Variants in RAP1GAP2 observed in about 807,000 individuals in gnomAD.
RAP1GAP2 encodes the protein rap1 GTPase-activating protein 2.
Under a neutral mutation model 95.0 loss-of-function variants are expected in RAP1GAP2, and 27 were observed. That is an observed-to-expected ratio of 0.28 (90% confidence interval 0.21 to 0.39). The LOEUF (loss-of-function observed/expected upper bound fraction) is 0.39, where lower values mean the gene tolerates loss of function less well. RAP1GAP2 is among the 10% of genes least tolerant of loss of function. The pLI, the probability that RAP1GAP2 is intolerant of heterozygous loss-of-function variation, is 1.00. For synonymous variants in RAP1GAP2, 373 were observed against 380.9 expected, an observed-to-expected ratio of 0.98 and a Z score of 0.24; for missense variants, 771 against 970.0, an observed-to-expected ratio of 0.79 and a Z score of 2.72.
chr17:2,991,517 CT>C, intron 12 of RAP1GAP2, 120 bp downstream of exon 12: 1 of 735,764 alleles, frequency 1.4e-6, no homozygotes, highest in Non-Finnish European at 2.3e-6. Flanking sequence ...TGAGGGATGG[CT>C]TTTCAGGGTC....
At position 2,839,923 on chromosome 17, in the gene RAP1GAP2, G is replaced by A. The variant is rs191205676; in HGVS notation, c.80+39373G>A. 4.4e-3 allele frequency among the ~76,000 whole-genome samples: 661 copies of A among 148,776 alleles called. 3 individuals are homozygous for A. Among genetic ancestry groups the A allele is most frequent in the African/African-American group, 0.015 (623 of 40,492 alleles). ...AAGTGATTCTCCTGCCTCAGCCTCC[G>A]GAGTAGCTGGGATTACAGGCATGCG... On this transcript the variant is annotated intron_variant, in intron 2 of 24. Coordinates refer to ENST00000254695, the MANE Select transcript of RAP1GAP2 (RefSeq NM_015085.5).
At chr17:2,917,702 GC>G (rs944076617) in intron 3 of RAP1GAP2, among the ~76,000 whole-genome samples, 3 of 151,510 alleles carry the variant, frequency 2.0e-5, no homozygotes, top group Admixed American at 6.6e-5. Context: ...ACTGTGCCTG[GC>G]CCCCCCGTTT....
intron 17 of RAP1GAP2, among the ~76,000 whole-genome samples, chr17:3,016,783 C>G (rs1192136765): frequency 6.6e-6 from 1 of 152,180 alleles, no homozygotes; most frequent in East Asian, 1.9e-4. Flanking sequence ...GGTGTAGACA[C>G]CAACATCTCT....
intron 19 of RAP1GAP2, among the ~76,000 whole-genome samples, chr17:3,024,272 A>G (rs2047038037): frequency 6.6e-6 from 1 of 152,176 alleles, no homozygotes; most frequent in Admixed American, 6.5e-5. Context: ...CACACAGAGA[A>G]GTCCAGCAAA....
rs4564611 is a variant in RAP1GAP2 at position 3,027,981 on chromosome 17, C to T, written c.2107+911C>T. ...TGAGGGCCGTTCAGGTAGACCTGTG[C>T]GGTGGGCACTGCTGGGCGGGTGCTC... On this transcript the variant is annotated intron_variant, in intron 22 of 24. Transcript: ENST00000254695. This position sits in a 1 kb window ranked among gnomAD's most constrained non-coding sequence, Gnocchi z 5.2. Among the ~76,000 whole-genome samples, 28,821 of 151,900 alleles carry T rather than the reference C, an allele frequency of 0.19. 2,892 individuals carry two copies. The highest frequency in any genetic ancestry group is 0.24 in the Middle Eastern group (71 of 294).
chr17:3,013,949 A>G (rs370052276), intron 17 of RAP1GAP2, among the ~76,000 whole-genome samples: 24 of 149,368 alleles, frequency 1.6e-4, no homozygotes, highest in South Asian at 4.3e-4. Flanking sequence ...AGGAGTTACT[A>G]TTTCCCACAT....
In RAP1GAP2 at chr17:2,963,484, C is replaced by T; in HGVS notation, c.279+22C>T. ...CGAGGTAGGTGCCCTCCCCTCACTC[C>T]CACCTGCCCTGCAGCCTGCTCTGGG... On this transcript the variant is annotated intron_variant, in intron 6 of 24. Transcript: ENST00000254695. The surrounding 1 kb of genome is among the most constrained non-coding windows in gnomAD (Gnocchi z 4.8). 1 of 1,613,610 alleles carries T rather than the reference C, an allele frequency of 6.2e-7. No individual in the cohort carries two copies. Among genetic ancestry groups the T allele is most frequent in the Non-Finnish European group, 8.5e-7 (1 of 1,179,598 alleles).
intron 2 of RAP1GAP2, among the ~76,000 whole-genome samples, chr17:2,876,300 C>T (rs1198372018): frequency 6.6e-6 from 1 of 152,060 alleles, no homozygotes. Flanking sequence ...TTATTCTGAG[C>T]CAAATAAGAG....
chr17:2,852,356 C>T (rs1292234046), intron 2 of RAP1GAP2, among the ~76,000 whole-genome samples: 2 of 151,890 alleles, frequency 1.3e-5, no homozygotes, highest in Non-Finnish European at 2.9e-5. Context: ...GGGTGGGGGG[C>T]ACAAGGCCAG....
intron 2 of RAP1GAP2, among the ~76,000 whole-genome samples, chr17:2,830,586 C>T (rs1021570546): frequency 4.0e-5 from 6 of 151,392 alleles, no homozygotes; most frequent in South Asian, 2.1e-4. Flanking sequence ...TGGTGGCGGG[C>T]GCCTGTAGTC....
At position 2,903,096 on chromosome 17, in the gene RAP1GAP2, C is replaced by T. The variant is rs552182801; in HGVS notation, c.81-2188C>T. On this transcript the variant is annotated intron_variant, in intron 2 of 24. Transcript: ENST00000254695. This position sits in a 1 kb window ranked among gnomAD's most constrained non-coding sequence, Gnocchi z 4.1. ...AGAGGCCCTCTGCTAAGCCCAGAGTCGCCCTATAGCATCTGGTGGGGGCTT... is the reference window on the plus strand; with the variant it reads ...AGAGGCCCTCTGCTAAGCCCAGAGTTGCCCTATAGCATCTGGTGGGGGCTT... Among the ~76,000 whole-genome samples the T allele has an allele frequency of 4.6e-5, 7 of 152,286 alleles. No homozygotes were observed. Among genetic ancestry groups the T allele is most frequent in the South Asian group, 4.1e-4 (2 of 4,830 alleles).
In RAP1GAP2 at chr17:2,963,315, G is replaced by A. The variant is rs1408954947; in HGVS notation, c.247-115G>A. On this transcript the variant is annotated intron_variant, in intron 5 of 24. Coordinates refer to ENST00000254695, the MANE Select transcript of RAP1GAP2 (RefSeq NM_015085.5). The surrounding 1 kb of genome is among the most constrained non-coding windows in gnomAD (Gnocchi z 4.8). ...ATTCTGAGCTGTTCTTCCATCGAAT[G>A]TTCCTCCCTCAAAGCCCCCCCACAA... 6 of 1,178,922 alleles carry A rather than the reference G, an allele frequency of 5.1e-6. No individual in the cohort carries two copies. Among genetic ancestry groups the A allele is most frequent in the African/African-American group, 3.0e-5 (2 of 66,362 alleles). The allele number at this position is 1,178,922 out of a possible 1,614,324, so 73.0% of individuals were successfully genotyped here.
At chr17:2,878,199 A>G (rs117175439) in intron 2 of RAP1GAP2, among the ~76,000 whole-genome samples, 6,602 of 152,234 alleles carry the variant, frequency 0.043, 194 homozygotes, top group Non-Finnish European at 0.069. Flanking sequence ...GGTGTCAGGC[A>G]TAAGGGAAGG....
rs571570908 is a variant in RAP1GAP2 at position 2,943,112 on chromosome 17, G to A, written c.166-14647G>A. ...TCATCCCCAAATAAAACCCCTTTAA[G>A]CAGTTACTCCCCACTTTCTCCTCCC... On this transcript the variant is annotated intron_variant, in intron 3 of 24. Transcript: ENST00000254695. Among the ~76,000 whole-genome samples, 188 of 151,600 alleles carry A rather than the reference G, an allele frequency of 1.2e-3. 1 individual carries two copies. The highest frequency in any genetic ancestry group is 4.4e-3 in the African/African-American group (182 of 41,280).
At chr17:2,997,382 C>T (rs2045996111) in intron 13 of RAP1GAP2, among the ~76,000 whole-genome samples, 1 of 152,216 alleles carries the variant, frequency 6.6e-6, no homozygotes, top group Admixed American at 6.5e-5. Flanking sequence ...TCAGGGATTT[C>T]ATGCACAGCA....
chr17:2,917,186 A>G (rs1256174546), intron 3 of RAP1GAP2, among the ~76,000 whole-genome samples: 2 of 152,154 alleles, frequency 1.3e-5, no homozygotes, highest in African/African-American at 2.4e-5. Context: ...CTTCTTAAGA[A>G]GTTGAAGCAA....
intron 2 of RAP1GAP2, among the ~76,000 whole-genome samples, chr17:2,901,705 C>A (rs1199324788): frequency 1.3e-5 from 2 of 152,042 alleles, no homozygotes; most frequent in East Asian, 3.9e-4. Context: ...AGGGATAAAA[C>A]TGCATCAAGC....
At chr17:2,814,259 G>C (rs1000692775) in intron 2 of RAP1GAP2, among the ~76,000 whole-genome samples, 5 of 152,168 alleles carry the variant, frequency 3.3e-5, no homozygotes, top group Non-Finnish European at 7.3e-5. Flanking sequence ...GCCTCTGTCA[G>C]TTCTGGTTTT....
At chr17:2,918,567 G>A (rs1296499304) in intron 3 of RAP1GAP2, among the ~76,000 whole-genome samples, 1 of 152,080 alleles carries the variant, frequency 6.6e-6, no homozygotes, top group African/African-American at 2.4e-5. Context: ...AAGGTGAAGG[G>A]AGAGGAGGCA....
Sources: allele counts gnomAD v4.1 joint callset (sites outside exome capture counted in the v4.1 genomes callset), GRCh38; gene constraint gnomAD v4.1.1; non-coding constraint Gnocchi (gnomAD v3.1); transcripts MANE v1.5; gene names NCBI Gene and HGNC (gene_info 2026-07-23, HGNC 2026-07-21).